COL19A1: variants seen among roughly 807,000 people sequenced by gnomAD.
COL19A1 encodes collagen alpha-1(XIX) chain.
COL19A1 carries 159 observed loss-of-function variants against 190.2 expected under a neutral mutation model. That is an observed-to-expected ratio of 0.84 (90% CI 0.73 to 0.95). COL19A1 has a LOEUF of 0.95. Ranked by LOEUF, COL19A1 falls within the 40% of genes least tolerant of loss-of-function variation. The probability of loss-of-function intolerance (pLI) is 0.00; values close to 1 mark genes in which losing one functional copy is unlikely to be tolerated. For synonymous variants in COL19A1, 509 were observed against 458.9 expected (o/e 1.11, Z -1.39); for missense variants, 1,418 against 1,431.9 (o/e 0.99, Z 0.16).
chr6:70,150,545 AG>A (rs1786989604), intron 30 of COL19A1, among the ~76,000 whole-genome samples: 2 of 152,164 alleles, frequency 1.3e-5, no homozygotes, highest in African/African-American at 4.8e-5. Flanking sequence ...GTTTTATTTT[AG>A]GTTAAACCTT....
At chr6:69,968,549 G>C (rs987101505) in intron 11 of COL19A1, among the ~76,000 whole-genome samples, 5 of 151,968 alleles carry the variant, frequency 3.3e-5, no homozygotes, top group Admixed American at 3.3e-4. Flanking sequence ...CTAAAATATT[G>C]ACTTCTAGCA....
In COL19A1 at chr6:70,149,843, T is replaced by C; in HGVS notation, c.1930-8T>C. ...TAAGTAACTGTTTTTATTTCCCTCCTTTTCCAGGGTCCTCGAGGTCTCCCT... is the reference window on the plus strand; with the variant it reads ...TAAGTAACTGTTTTTATTTCCCTCCCTTTCCAGGGTCCTCGAGGTCTCCCT... On this transcript the variant is annotated splice_polypyrimidine_tract_variant and splice_region_variant and intron_variant, in intron 28 of 50. Transcript: ENST00000620364. 6.2e-7 allele frequency: 1 copy of C among 1,613,616 alleles called. No homozygotes were observed. Among genetic ancestry groups the C allele is most frequent in the Non-Finnish European group, 8.5e-7 (1 of 1,179,728 alleles).
Position 70,133,341 on chromosome 6 carries a change from C to T in COL19A1, c.1383+3118C>T, listed in dbSNP as rs533205083. Reference sequence around the variant, plus strand: ...AGCACAAATAGCACTGGAATATACACACCAGTCACCCCTGGTTTAGCAGCC... The same window carrying T: ...AGCACAAATAGCACTGGAATATACATACCAGTCACCCCTGGTTTAGCAGCC... On this transcript the variant is annotated intron_variant, in intron 18 of 50. Coordinates refer to ENST00000620364, the MANE Select transcript of COL19A1 (RefSeq NM_001858.6). Among the ~76,000 whole-genome samples, 15 of 152,310 alleles carry T rather than the reference C, an allele frequency of 9.8e-5. No homozygotes were observed. In the East Asian group the frequency reaches 2.3e-3, roughly 23 times the overall value.
chr6:70,117,276 A>G (rs997393998), intron 16 of COL19A1, among the ~76,000 whole-genome samples: 3 of 152,186 alleles, frequency 2.0e-5, no homozygotes, highest in Non-Finnish European at 4.4e-5. Context: ...CTAAAAAGTG[A>G]AAATGCAGCT....
Position 70,146,660 on chromosome 6 carries a change from G to C in COL19A1, c.1772G>C (p.Gly591Ala). The change falls in exon 26 of 51, where the codon GGA (glycine) becomes GCA (alanine). Residue 591 changes from glycine (G) to alanine (A), a missense_variant and splice_region_variant. Gly to Ala is a moderately conservative substitution (Grantham distance 60). Transcript: ENST00000620364. ...GTATTCATACTTTTTTTCTTTTAGG[G>C]ATTAGATGGAAATCCTGGAGCACCT... is the stretch of plus-strand genomic sequence containing the variant. ...PPGKSLPGEPGLDGNPGAPGP... is the reference protein window; with the variant it reads ...PPGKSLPGEPALDGNPGAPGP... 6.2e-7 allele frequency: 1 copy of C among 1,602,898 alleles called. No individual in the cohort carries two copies. The highest frequency in any genetic ancestry group is 1.3e-5 in the African/African-American group (1 of 74,244).
rs1315663052 is a variant in COL19A1 at position 70,207,391 on chromosome 6, A to C, written c.*117A>C. The C allele has an allele frequency of 2.6e-6, 2 of 764,298 alleles. No homozygotes were observed. The highest frequency in any genetic ancestry group is 2.9e-5 in the East Asian group (1 of 34,668). 47.3% of individuals were successfully genotyped at this position (764,298 alleles called of 1,614,324 possible). A position where few individuals can be genotyped will look rare whatever the true frequency, so the allele number is the denominator to read the frequency against. The stretch of plus-strand genomic sequence containing the variant: ...TTTTTTTTTTTTTTTTTTTTTTGGG[A>C]GTAAGCCAGGCATTAAAAGCAACCG... On this transcript the variant is annotated 3_prime_UTR_variant, in exon 51 of 51. Transcript: ENST00000620364.
At chr6:70,009,627 G>T (rs1437057380) in intron 11 of COL19A1, among the ~76,000 whole-genome samples, 1 of 151,916 alleles carries the variant, frequency 6.6e-6, no homozygotes, top group Non-Finnish European at 1.5e-5. Flanking sequence ...AAATGACCTG[G>T]TATAGCCAAA....
At chr6:69,970,154 A>G (rs1775340165) in intron 11 of COL19A1, among the ~76,000 whole-genome samples, 1 of 152,222 alleles carries the variant, frequency 6.6e-6, no homozygotes, top group African/African-American at 2.4e-5. Flanking sequence ...ATTTTATAAT[A>G]AATCTAACAC....
intron 27 of COL19A1, 105 bp from the exon 28 acceptor site, chr6:70,149,599 T>C (rs941181026): frequency 3.2e-5 from 46 of 1,440,010 alleles, no homozygotes; most frequent in Non-Finnish European, 4.3e-5. Context: ...TGGCAAACCC[T>C]GTTGTTCCTC....
chr6:70,153,069 G>A (rs116158573), intron 31 of COL19A1, among the ~76,000 whole-genome samples: 244 of 152,150 alleles, frequency 1.6e-3, no homozygotes, highest in African/African-American at 5.6e-3. Context: ...AGTCCATAAC[G>A]AGCAGGACAT....
intron 4 of COL19A1, among the ~76,000 whole-genome samples, chr6:69,918,335 C>T (rs780213828): frequency 4.6e-5 from 7 of 151,982 alleles, no homozygotes; most frequent in Non-Finnish European, 8.8e-5. Flanking sequence ...AGATGGTGGC[C>T]GCTTGGGATA....
At chr6:69,960,150 A>G (rs1774689522) in intron 10 of COL19A1, 110 bp downstream of exon 10, 7 of 1,069,798 alleles carry the variant, frequency 6.5e-6, no homozygotes, top group Non-Finnish European at 8.1e-6. Flanking sequence ...TCACTCAAAG[A>G]CTTTTAGAAA....
chr6:70,111,927 A>G (rs887432244), intron 16 of COL19A1, among the ~76,000 whole-genome samples: 1 of 152,160 alleles, frequency 6.6e-6, no homozygotes, highest in Non-Finnish European at 1.5e-5. Context: ...CCTCTATGTA[A>G]CTTGGCAGTG....
Position 69,927,997 on chromosome 6 carries a change from C to A in COL19A1, c.355C>A (p.Leu119Met). 1 of 1,613,184 alleles carries A rather than the reference C, an allele frequency of 6.2e-7. No individual in the cohort carries two copies. ...AAACGCCAAAAAGGAACGGTGGTTT[C>A]TGTGGCAGGTTTTAAACCAGCAGAA... ...RRNAKKERWFLWQVLNQQNIP... is the reference protein window; with the variant it reads ...RRNAKKERWFMWQVLNQQNIP... Residue 119 changes from leucine (L) to methionine (M), a missense_variant, in exon 5 of 51, where the codon CTG becomes ATG. Transcript: ENST00000620364.
chr6:70,031,676 A>G (rs1394380599), intron 12 of COL19A1, among the ~76,000 whole-genome samples: 1 of 152,140 alleles, frequency 6.6e-6, no homozygotes, highest in East Asian at 1.9e-4. Context: ...TCCGTTGTGT[A>G]TATATAACAC....
intron 46 of COL19A1, among the ~76,000 whole-genome samples, chr6:70,186,899 CAG>C (rs1451473450): frequency 6.6e-6 from 1 of 152,100 alleles, no homozygotes; most frequent in Non-Finnish European, 1.5e-5. Flanking sequence ...TGTTTTGAGA[CAG>C]AGTTTCTCTC....
chr6:70,176,384 C>A, intron 41 of COL19A1, 136 bp from the exon 42 acceptor site: 2 of 721,484 alleles, frequency 2.8e-6, no homozygotes, highest in Non-Finnish European at 4.3e-6. Flanking sequence ...ACTAGCTTCA[C>A]CCCATCTAAT....
intron 6 of COL19A1, among the ~76,000 whole-genome samples, chr6:69,930,414 T>C (rs943264996): frequency 2.0e-5 from 3 of 152,170 alleles, no homozygotes; most frequent in Non-Finnish European, 4.4e-5. Flanking sequence ...ATAAACAGTT[T>C]ATAGTTTATT....
chr6:69,921,477 T>TTCATATATA lies in COL19A1; in HGVS notation c.267-6430_267-6422dup, dbSNP rs1561998540. Among the ~76,000 whole-genome samples the TTCATATATA allele has an allele frequency of 8.2e-4, 20 of 24,466 alleles. 1 individual carries two copies. The highest frequency in any genetic ancestry group is 2.8e-3 in the African/African-American group (16 of 5,758). 16.1% of individuals were successfully genotyped at this position (24,466 alleles called of 152,430 possible). On this transcript the variant is annotated intron_variant, in intron 4 of 50. Coordinates refer to ENST00000620364, the MANE Select transcript of COL19A1 (RefSeq NM_001858.6). ...CATATATATCATATATATTCATATATTCATATATATTCATATATATTCATA... is the reference window on the plus strand; with the variant it reads ...CATATATATCATATATATTCATATATTCATATATATCATATATATTCATATATATTCATA...
Sources: allele counts gnomAD v4.1 joint callset (sites outside exome capture counted in the v4.1 genomes callset), GRCh38; gene constraint gnomAD v4.1.1; transcripts MANE v1.5; gene names NCBI Gene and HGNC (gene_info 2026-07-23, HGNC 2026-07-21).